EFCAB5: variants seen among roughly 807,000 people sequenced by gnomAD.
EFCAB5 encodes EF-hand calcium-binding domain-containing protein 5.
Under a neutral mutation model 167.9 loss-of-function variants are expected in EFCAB5, and 131 were observed. The ratio of observed to expected loss-of-function variants is 0.78; its 90% CI spans 0.68 to 0.90. The LOEUF (loss-of-function observed/expected upper bound fraction) is 0.90, where lower values mean the gene tolerates loss of function less well. Among genes scored for constraint, EFCAB5 ranks in the 40% least tolerant of loss-of-function variants. The probability of loss-of-function intolerance (pLI) is 0.00; values close to 1 mark genes in which losing one functional copy is unlikely to be tolerated. For missense variants in EFCAB5, 1,663 were observed against 1,745.2 expected (o/e 0.95, Z 0.84); for synonymous variants, 574 against 602.8 (o/e 0.95, Z 0.70).
intron 4 of EFCAB5, among the ~76,000 whole-genome samples, chr17:29,973,527 C>G (rs1016793331): frequency 6.8e-6 from 1 of 146,724 alleles, no homozygotes; most frequent in African/African-American, 2.5e-5. Context: ...TCACCCAGGC[C>G]GGAGTGCAGT....
rs774908882 is a variant in EFCAB5, at chr17:30,083,028, G to A, written c.3564G>A (p.Glu1188=). ...CCTCCATCACTACGTACTTTGTAGA[G>A]CCTAGCCCAGCCCAGGTAGGCAAGG... ...SITSITTYFV[E]PSPAQDSDYV... is the part of the protein sequence containing the mutation. Residue 1188 remains glutamate (E), a synonymous_variant, in exon 18 of 23, where the codon GAG becomes GAA. Transcript: ENST00000394835. The A allele has an allele frequency of 1.9e-6, 3 of 1,613,894 alleles. No individual in the cohort carries two copies. The highest frequency in any genetic ancestry group is 1.1e-5 in the South Asian group (1 of 91,074).
At chr17:30,061,754 G>C (rs914387813) in intron 14 of EFCAB5, among the ~76,000 whole-genome samples, 1 of 152,114 alleles carries the variant, frequency 6.6e-6, no homozygotes, top group South Asian at 2.1e-4. Context: ...TTATTTTTAA[G>C]ACAGGGTCTC....
At position 30,034,338 on chromosome 17, in the gene EFCAB5, C is replaced by T. The variant is rs756590648; in HGVS notation, c.1153C>T (p.Arg385Trp). 5 of 1,612,332 alleles carry T rather than the reference C, an allele frequency of 3.1e-6. No homozygotes were observed. The highest frequency in any genetic ancestry group is 3.3e-5 in the Admixed American group (2 of 59,744). The change falls in exon 8 of 23, where the codon CGG becomes TGG. Residue 385 changes from arginine (R) to tryptophan (W), a missense_variant. Physicochemically the swap from Arg to Trp is moderately radical, Grantham distance 101. Coordinates refer to ENST00000394835, the MANE Select transcript of EFCAB5 (RefSeq NM_198529.4). ...EFREVIKADMRRQMFAELFLH... is the reference protein window; with the variant it reads ...EFREVIKADMWRQMFAELFLH... ...TCGGGAGGTCATAAAAGCTGACATG[C>T]GGAGGCAGATGTTCGCTGAACTCTT...
At chr17:29,959,228 C>G (rs1042255859) in intron 3 of EFCAB5, among the ~76,000 whole-genome samples, 3 of 152,014 alleles carry the variant, frequency 2.0e-5, no homozygotes, top group African/African-American at 7.2e-5. Context: ...TCTTTCCCTT[C>G]AGGGCAACGA....
intron 8 of EFCAB5, among the ~76,000 whole-genome samples, chr17:30,035,861 T>G (rs2151742332): frequency 6.6e-6 from 1 of 151,976 alleles, no homozygotes; most frequent in Admixed American, 6.6e-5. Context: ...TATCTTTAAC[T>G]TAGTCAATAT....
chr17:30,068,583 T>A (rs2070642229), intron 14 of EFCAB5: 1 of 1,107,160 alleles, frequency 9.0e-7, no homozygotes, highest in Non-Finnish European at 1.3e-6. Flanking sequence ...TGTCACCAGC[T>A]GCTGACATGG....
intron 4 of EFCAB5, among the ~76,000 whole-genome samples, chr17:29,970,637 G>GAAACACAC (rs1555550696): frequency 1.4e-5 from 2 of 138,668 alleles, no homozygotes; most frequent in Non-Finnish European, 3.1e-5. Context: ...CTCAAAAACA[G>GAAACACAC]ACACACACAC....
chr17:30,065,199 C>A lies in EFCAB5; in HGVS notation c.2737+5498C>A, dbSNP rs544489980. Among the ~76,000 whole-genome samples the A allele has an allele frequency of 2.1e-4, 32 of 152,234 alleles. No homozygotes were observed. The South Asian group carries it at 5.8e-3, about 28-fold the overall frequency. On this transcript the variant is annotated intron_variant, in intron 14 of 22. Coordinates refer to ENST00000394835, the MANE Select transcript of EFCAB5 (RefSeq NM_198529.4). ...AAATCTTATCACCAAAGAAAACCAA[C>A]ACACTGCAATAATAATAAGAGGGGA... is the stretch of plus-strand genomic sequence containing the variant.
chr17:30,090,174 C>T (rs1303458213), intron 19 of EFCAB5, among the ~76,000 whole-genome samples: 4 of 152,084 alleles, frequency 2.6e-5, no homozygotes, highest in East Asian at 1.9e-4. Context: ...GTGGCTTGGG[C>T]GCTGCTTGAG....
intron 14 of EFCAB5, among the ~76,000 whole-genome samples, chr17:30,071,588 A>G (rs2070738154): frequency 1.3e-5 from 2 of 152,240 alleles, no homozygotes; most frequent in South Asian, 4.1e-4. Context: ...AAAACAGTAT[A>G]GAGGTCCCTC....
At chr17:30,012,492 G>A (rs1014156865) in intron 7 of EFCAB5, among the ~76,000 whole-genome samples, 18 of 152,012 alleles carry the variant, frequency 1.2e-4, no homozygotes, top group Non-Finnish European at 1.3e-4. Flanking sequence ...TCTCTGCCTC[G>A]GCTGCCAGGC....
intron 3 of EFCAB5, among the ~76,000 whole-genome samples, chr17:29,951,911 A>G (rs2067521338): frequency 6.6e-6 from 1 of 152,212 alleles, no homozygotes; most frequent in African/African-American, 2.4e-5. Flanking sequence ...CACTCTGGGA[A>G]ATAATTTAAT....
At chr17:30,059,263 T>A (rs1307333917) in intron 13 of EFCAB5, 13 of 197,148 alleles carry the variant, frequency 6.6e-5, no homozygotes, top group Admixed American at 1.2e-4. Context: ...TTCTAAAAAT[T>A]TTTAAAAAAA....
chr17:30,036,062 C>G (rs1364661780), intron 8 of EFCAB5, among the ~76,000 whole-genome samples: 1 of 140,416 alleles, frequency 7.1e-6, no homozygotes, highest in Admixed American at 8.0e-5. Context: ...TATATATAAC[C>G]ATATATTTAT....
chr17:30,047,767 G>A (rs1012781922), intron 8 of EFCAB5, among the ~76,000 whole-genome samples: 1 of 152,154 alleles, frequency 6.6e-6, no homozygotes, highest in Non-Finnish European at 1.5e-5. Flanking sequence ...TTACAGAAAA[G>A]CACTAACTAT....
intron 8 of EFCAB5, among the ~76,000 whole-genome samples, chr17:30,048,975 A>T (rs1266121048): frequency 6.6e-6 from 1 of 152,110 alleles, no homozygotes; most frequent in Admixed American, 6.6e-5. Context: ...GAATAGCAAT[A>T]CTTTTCACTG....
chr17:30,063,971 G>A (rs187036420), intron 14 of EFCAB5, among the ~76,000 whole-genome samples: 50 of 152,210 alleles, frequency 3.3e-4, no homozygotes, highest in African/African-American at 1.1e-3. Flanking sequence ...AAACAATGTC[G>A]CCATGTCCAT....
At chr17:30,024,414 A>C (rs1278269471) in intron 7 of EFCAB5, among the ~76,000 whole-genome samples, 2 of 152,246 alleles carry the variant, frequency 1.3e-5, no homozygotes, top group African/African-American at 4.8e-5. Context: ...CCAAATCATG[A>C]GTGAACTCCC....
intron 14 of EFCAB5, among the ~76,000 whole-genome samples, chr17:30,063,895 A>G (rs1044513567): frequency 1.3e-5 from 2 of 152,212 alleles, no homozygotes; most frequent in Non-Finnish European, 1.5e-5. Context: ...AGGTGCTGAC[A>G]GGTATTGCTG....
Sources: gnomAD v4.1 joint callset for allele counts (sites outside exome capture counted in the v4.1 genomes callset) on GRCh38, gnomAD v4.1.1 for gene constraint, MANE v1.5 for transcripts, NCBI Gene and HGNC (gene_info 2026-07-23, HGNC 2026-07-21) for gene names.